RAI1: variants seen among roughly 807,000 people sequenced by gnomAD.
The protein encoded by RAI1 is retinoic acid induced 1, also known as retinoic acid-induced protein 1.
Under a neutral mutation model 123.8 loss-of-function variants are expected in RAI1, and 9 were observed. The observed-to-expected ratio is 0.07, with a 90% CI of 0.04 to 0.13. RAI1 has a LOEUF of 0.13. RAI1 is among the 10% of genes least tolerant of loss of function. RAI1 has a pLI of 1.00. For missense variants in RAI1, 2,256 were observed against 2,545.8 expected (o/e 0.89, Z 2.45); for synonymous variants, 1,231 against 1,127.3 (o/e 1.09, Z -1.84).
At chr17:17,770,830 T>C (rs1332704914) in intron 2 of RAI1, 2 of 152,306 alleles carry the variant, frequency 1.3e-5, no homozygotes, top group Non-Finnish European at 1.5e-5. Flanking sequence ...CCCACTGTCC[T>C]CAGCAGATGA....
chr17:17,784,020 C>T (rs1361249978), intron 2 of RAI1, among the ~76,000 whole-genome samples: 1 of 152,186 alleles, frequency 6.6e-6, no homozygotes, highest in Non-Finnish European at 1.5e-5. Context: ...AATCCCCCTC[C>T]CTCTTTTTCT....
At chr17:17,752,341 G>A (rs1421438627) in intron 2 of RAI1, among the ~76,000 whole-genome samples, 2 of 152,230 alleles carry the variant, frequency 1.3e-5, no homozygotes, top group African/African-American at 4.8e-5. Flanking sequence ...GAGGGGCGGG[G>A]CGGGGTGAGC....
chr17:17,705,792 G>A (rs912783257), intron 1 of RAI1, among the ~76,000 whole-genome samples: 8 of 152,036 alleles, frequency 5.3e-5, no homozygotes, highest in Non-Finnish European at 7.4e-5. Context: ...TTGAGAGGCC[G>A]AGGTGGGCAG....
intron 4 of RAI1, among the ~76,000 whole-genome samples, chr17:17,808,046 A>G (rs2032629090): frequency 6.6e-6 from 1 of 152,188 alleles, no homozygotes; most frequent in South Asian, 2.1e-4. Flanking sequence ...AGCCACCTCC[A>G]GTGTGAACAG....
intron 2 of RAI1, among the ~76,000 whole-genome samples, chr17:17,781,728 T>C (rs537799822): frequency 3.9e-5 from 6 of 152,374 alleles, no homozygotes; most frequent in East Asian, 1.9e-4. Context: ...GGGTGGGGTC[T>C]GCCTCAAAGT....
chr17:17,688,222 C>T (rs996831378), intron 1 of RAI1, among the ~76,000 whole-genome samples: 3 of 151,796 alleles, frequency 2.0e-5, no homozygotes, highest in Non-Finnish European at 2.9e-5. Flanking sequence ...CGGTGGCTTA[C>T]GTCTATAATC....
intron 2 of RAI1, among the ~76,000 whole-genome samples, chr17:17,728,415 G>A (rs1916162926): frequency 6.6e-6 from 1 of 152,206 alleles, no homozygotes; most frequent in African/African-American, 2.4e-5. Flanking sequence ...ATTATATCCT[G>A]ATTGAGCCAT....
In RAI1 at chr17:17,797,710, T is replaced by G. The variant is rs780457229; in HGVS notation, c.4762T>G (p.Ser1588Ala). The change falls in exon 3 of 6, where the codon TCA becomes GCA. Residue 1588 changes from serine (S) to alanine (A), a missense_variant. Physicochemically the swap from Ser to Ala is moderately conservative, Grantham distance 99 (BLOSUM62 1). Transcript: ENST00000353383. ...CATTTCCTCTTGCAAGCGGCTGAGG[T>G]CAGACAGCCGGACCCCCGCCTTCTC... ...KYISSCKRLR[S>A]DSRTPAFSPF... The G allele has an allele frequency of 3.1e-6, 5 of 1,613,450 alleles. No individual in the cohort carries two copies. Among genetic ancestry groups the G allele is most frequent in the East Asian group, 2.2e-5 (1 of 44,860 alleles).
At chr17:17,782,002 C>T (rs2031598970) in intron 2 of RAI1, 1 of 152,214 alleles carries the variant, frequency 6.6e-6, no homozygotes, top group Admixed American at 6.5e-5. Context: ...CCTCTCGCAG[C>T]CACTCTGCGC....
At chr17:17,683,868 C>T (rs1914530658) in intron 1 of RAI1, 4 of 152,178 alleles carry the variant, frequency 2.6e-5, no homozygotes, top group Non-Finnish European at 5.9e-5. Flanking sequence ...GGGACCCTGT[C>T]TTACTCCTCT....
At chr17:17,684,185 A>G (rs1914541975) in intron 1 of RAI1, 1 of 152,060 alleles carries the variant, frequency 6.6e-6, no homozygotes, top group Non-Finnish European at 1.5e-5. Context: ...ACTCCTCTTT[A>G]GACTCCCAAG....
intron 2 of RAI1, among the ~76,000 whole-genome samples, chr17:17,748,628 A>G (rs1476134348): frequency 1.3e-5 from 2 of 152,198 alleles, no homozygotes; most frequent in African/African-American, 4.8e-5. Flanking sequence ...TAGAACTCCA[A>G]TAGGTTCTTA....
chr17:17,758,686 G>A (rs774755834), intron 2 of RAI1, among the ~76,000 whole-genome samples: 4 of 152,200 alleles, frequency 2.6e-5, no homozygotes, highest in East Asian at 3.9e-4. Flanking sequence ...AGACAGACGC[G>A]CCAACCCCTA....
intron 2 of RAI1, among the ~76,000 whole-genome samples, chr17:17,731,903 A>G (rs1294202098): frequency 6.6e-6 from 1 of 152,200 alleles, no homozygotes; most frequent in East Asian, 1.9e-4. Context: ...AAAGCTCAGC[A>G]GATTATAATT....
intron 2 of RAI1, among the ~76,000 whole-genome samples, chr17:17,772,763 C>T (rs1029741689): frequency 8.3e-4 from 127 of 152,302 alleles, no homozygotes; most frequent in African/African-American, 2.9e-3. Context: ...CTTTCCCATG[C>T]GCTGGCACTT....
rs1365364644 is a variant in RAI1, at chr17:17,681,810, G to C, written c.-149+17G>C. ...GGCGCCGAGGTGAGCAGCGAGCGCCGGGGCGCGGGGGGCGCAGTGTATCCT... is the reference window on the plus strand; with the variant it reads ...GGCGCCGAGGTGAGCAGCGAGCGCCCGGGCGCGGGGGGCGCAGTGTATCCT... On this transcript the variant is annotated intron_variant, in intron 1 of 5. Transcript: ENST00000353383. 6.9e-6 allele frequency: 2 copies of C among 288,062 alleles called. No homozygotes were observed. Among genetic ancestry groups the C allele is most frequent in the Admixed American group, 5.5e-5 (1 of 18,188 alleles). 17.8% of individuals were successfully genotyped at this position (288,062 alleles called of 1,614,324 possible).
At chr17:17,738,847 C>T (rs954799900) in intron 2 of RAI1, among the ~76,000 whole-genome samples, 6 of 152,282 alleles carry the variant, frequency 3.9e-5, no homozygotes, top group East Asian at 1.9e-4. Context: ...CCTGCATTAC[C>T]TTCAAAGGGC....
intron 2 of RAI1, among the ~76,000 whole-genome samples, chr17:17,738,067 G>A (rs1916495321): frequency 6.6e-6 from 1 of 152,114 alleles, no homozygotes; most frequent in Admixed American, 6.5e-5. Flanking sequence ...ACGGCTGCTG[G>A]TCAAGGAGGC....
chr17:17,718,784 C>T (rs908746148), intron 1 of RAI1, among the ~76,000 whole-genome samples: 14 of 152,096 alleles, frequency 9.2e-5, no homozygotes, highest in African/African-American at 1.4e-4. Context: ...TCAGACAGGG[C>T]ACAGCTCCTG....
Sources: allele counts gnomAD v4.1 joint callset (sites outside exome capture counted in the v4.1 genomes callset), GRCh38; gene constraint gnomAD v4.1.1; transcripts MANE v1.5; gene names NCBI Gene and HGNC (gene_info 2026-07-23, HGNC 2026-07-21).